The following ITPRID1 variants were observed in gnomAD, a reference collection of about 807,000 sequenced individuals.
ITPRID1 encodes protein ITPRID1.
ITPRID1 carries 96 observed loss-of-function variants against 95.4 expected under a neutral mutation model. That is an observed-to-expected ratio of 1.01 (90% CI 0.85 to 1.19). The LOEUF (loss-of-function observed/expected upper bound fraction) is 1.19. Among genes scored for constraint, ITPRID1 ranks in the 50% most tolerant of loss-of-function variants. ITPRID1 has a pLI of 0.00. For missense variants in ITPRID1, 1,339 were observed against 1,252.9 expected, an observed-to-expected ratio of 1.07 and a Z score of -1.04; for synonymous variants, 510 against 453.6, an observed-to-expected ratio of 1.12 and a Z score of -1.58.
At chr7:31,652,407 C>T (rs182478080) in intron 14 of ITPRID1, 111 bp from the exon 15 acceptor site, 1 of 1,443,312 alleles carries the variant, frequency 6.9e-7, no homozygotes, top group Non-Finnish European at 9.1e-7. Context: ...GCTCAAAGAG[C>T]CCATTCTAGA....
intron 1 of ITPRID1, among the ~76,000 whole-genome samples, chr7:31,519,620 C>CTCTCTCTCTCTATATATATATATA: frequency 4.7e-4 from 12 of 25,264 alleles, no homozygotes; most frequent in Non-Finnish European, 6.6e-4. Context: ...CTCTCTCTCT[C>CTCTCTCTCTCTATATATATATATA]TATATATATA....
At chr7:31,614,938 C>T (rs1167760218) in intron 10 of ITPRID1, among the ~76,000 whole-genome samples, 1 of 152,140 alleles carries the variant, frequency 6.6e-6, no homozygotes, top group African/African-American at 2.4e-5. Flanking sequence ...CCACACCTCA[C>T]TGAGGGTCCA....
intron 1 of ITPRID1, among the ~76,000 whole-genome samples, chr7:31,548,043 A>G (rs1784157553): frequency 6.7e-6 from 1 of 150,340 alleles, no homozygotes; most frequent in African/African-American, 2.4e-5. Context: ...ATTGTAAACT[A>G]AAGGGAATAA....
chr7:31,568,629 A>G (rs933523924), intron 5 of ITPRID1, among the ~76,000 whole-genome samples: 1 of 152,196 alleles, frequency 6.6e-6, no homozygotes, highest in Non-Finnish European at 1.5e-5. Flanking sequence ...ATCATGATAC[A>G]GGGTCTGAAT....
chr7:31,611,206 T>C (rs189172394), intron 10 of ITPRID1, among the ~76,000 whole-genome samples: 2 of 151,856 alleles, frequency 1.3e-5, no homozygotes, highest in African/African-American at 4.8e-5. Flanking sequence ...ACAATTTCAA[T>C]AGCATGTTAA....
chr7:31,578,739 ATTCTC>A (rs1377990306), intron 9 of ITPRID1, among the ~76,000 whole-genome samples: 1 of 152,220 alleles, frequency 6.6e-6, no homozygotes, highest in East Asian at 1.9e-4. Context: ...CTTTTTATCT[ATTCTC>A]TAACTTTTCA....
intron 12 of ITPRID1, among the ~76,000 whole-genome samples, chr7:31,648,819 T>G (rs1281698538): frequency 6.6e-6 from 1 of 152,224 alleles, no homozygotes; most frequent in Admixed American, 6.5e-5. Context: ...TCAGCTATAC[T>G]GTGGTCCCTG....
intron 5 of ITPRID1, among the ~76,000 whole-genome samples, chr7:31,562,189 G>C (rs1400048193): frequency 6.6e-6 from 1 of 151,972 alleles, no homozygotes; most frequent in African/African-American, 2.4e-5. Flanking sequence ...TATAATGCGA[G>C]TGAGAGTGCA....
intron 1 of ITPRID1, among the ~76,000 whole-genome samples, chr7:31,527,798 GAA>G (rs1783468844): frequency 6.6e-6 from 1 of 152,138 alleles, no homozygotes; most frequent in African/African-American, 2.4e-5. Context: ...TGCTGTCTTA[GAA>G]CTTATTTGTC....
At chr7:31,622,878 A>T (rs1361753406) in intron 10 of ITPRID1, among the ~76,000 whole-genome samples, 1 of 152,210 alleles carries the variant, frequency 6.6e-6, no homozygotes, top group Non-Finnish European at 1.5e-5. Flanking sequence ...AATAAAGAAG[A>T]AAAGAGAAGA....
Position 31,642,210 on chromosome 7 carries a change from T to G in ITPRID1, c.1263T>G (p.Ser421=), listed in dbSNP as rs1257168312. Residue 421 remains serine (S), a synonymous_variant, in exon 11 of 15, where the codon TCT becomes TCG. Transcript: ENST00000615280. ...TGGACAGAGCAAATAGCTGCCAGTC[T>G]GACAGCAGCGGGTTCCTGGAGGAGC... ...ARVDRANSCQ[S]DSSGFLEEPL... 6.4e-7 allele frequency: 1 copy of G among 1,561,610 alleles called. No individual in the cohort carries two copies. Among genetic ancestry groups the G allele is most frequent in the Non-Finnish European group, 8.7e-7 (1 of 1,153,686 alleles).
intron 10 of ITPRID1, among the ~76,000 whole-genome samples, chr7:31,618,777 G>A (rs1400651671): frequency 1.3e-5 from 2 of 152,200 alleles, no homozygotes; most frequent in Non-Finnish European, 2.9e-5. Context: ...GTTGGCATCA[G>A]GATGAAACCC....
chr7:31,658,504 A>C (rs937166685), downstream of ITPRID1: 1 of 973,972 alleles, frequency 1.0e-6, no homozygotes, highest in Non-Finnish European at 1.4e-6. Context: ...TTTGAGAAGA[A>C]AAAGTTTTAG....
At chr7:31,588,787 C>T (rs951676868) in intron 10 of ITPRID1, among the ~76,000 whole-genome samples, 23 of 151,972 alleles carry the variant, frequency 1.5e-4, no homozygotes, top group Non-Finnish European at 2.9e-5. Flanking sequence ...GTTCAAATCT[C>T]TAACTAACTG....
chr7:31,652,636 C>G lies in ITPRID1; in HGVS notation c.2942C>G (p.Pro981Arg). 1 of 1,613,786 alleles carries G rather than the reference C, an allele frequency of 6.2e-7. No individual in the cohort carries two copies. Among genetic ancestry groups the G allele is most frequent in the Non-Finnish European group, 8.5e-7 (1 of 1,179,824 alleles). The stretch of plus-strand genomic sequence containing the variant: ...TCTAAAATCCACCCAGGCATGGCCC[C>G]GAGGACTGTGTTTCCTCCCGATGAT... The part of the protein sequence containing the change: ...SCSKIHPGMA[P>R]RTVFPPDDGQ... Residue 981 changes from proline (P) to arginine (R), a missense_variant, in exon 15 of 15, where the codon CCG becomes CGG. Physicochemically the swap from Pro to Arg is moderately radical, Grantham distance 103. Coordinates refer to ENST00000615280, the MANE Select transcript of ITPRID1 (RefSeq NM_001257967.3).
chr7:31,559,991 A>T (rs923195340), intron 5 of ITPRID1, among the ~76,000 whole-genome samples: 1 of 152,228 alleles, frequency 6.6e-6, no homozygotes, highest in Non-Finnish European at 1.5e-5. Context: ...AATGCTGAAG[A>T]AAATAGATGC....
At chr7:31,570,467 C>G (rs1583511602) in intron 6 of ITPRID1, among the ~76,000 whole-genome samples, 1 of 152,320 alleles carries the variant, frequency 6.6e-6, no homozygotes, top group East Asian at 1.9e-4. Context: ...AACTCCCCTT[C>G]CTGCGCTTTT....
In ITPRID1 at chr7:31,652,655, C is replaced by T. The variant is rs368179579; in HGVS notation, c.2961C>T (p.Pro987=). 578 of 1,613,808 alleles carry T rather than the reference C, an allele frequency of 3.6e-4. 12 individuals are homozygous for T. The South Asian group carries it at 4.9e-3, about 14-fold the overall frequency. ...TGGCCCCGAGGACTGTGTTTCCTCCCGATGATGGCCAGGAGGCTCCCTGTT... is the reference window on the plus strand; with the variant it reads ...TGGCCCCGAGGACTGTGTTTCCTCCTGATGATGGCCAGGAGGCTCCCTGTT... ...PGMAPRTVFP[P]DDGQEAPCSG... is the part of the protein sequence containing the mutation. The change falls in exon 15 of 15, where the codon CCC becomes CCT. Residue 987 remains proline (P), a synonymous_variant. Transcript: ENST00000615280.
At chr7:31,644,830 G>A (rs1225896951) in intron 12 of ITPRID1, among the ~76,000 whole-genome samples, 1 of 152,208 alleles carries the variant, frequency 6.6e-6, no homozygotes, top group Non-Finnish European at 1.5e-5. Flanking sequence ...CTGGCACAGA[G>A]AATATAGGTT....
Sources: allele counts gnomAD v4.1 joint callset (sites outside exome capture counted in the v4.1 genomes callset), GRCh38; gene constraint gnomAD v4.1.1; transcripts MANE v1.5; gene names NCBI Gene and HGNC (gene_info 2026-07-23, HGNC 2026-07-21).